The following RIMS2 variants were observed in gnomAD, a reference collection of about 807,000 sequenced individuals.
The protein encoded by RIMS2 is regulating synaptic membrane exocytosis protein 2.
A neutral mutation model predicts 174.4 loss-of-function variants in RIMS2; 59 were observed. The ratio of observed to expected loss-of-function variants is 0.34; its 90% CI spans 0.27 to 0.42. The LOEUF (loss-of-function observed/expected upper bound fraction) is 0.42. Among genes scored for constraint, RIMS2 ranks in the 10% least tolerant of loss-of-function variants. The pLI, the probability that RIMS2 is intolerant of heterozygous loss-of-function variation, is 1.00. For synonymous variants in RIMS2, 606 were observed against 572.5 expected, an observed-to-expected ratio of 1.06 and a Z score of -0.84; for missense variants, 1,620 against 1,666.3, an observed-to-expected ratio of 0.97 and a Z score of 0.48.
At chr8:104,117,465 T>G (rs2098296877) in intron 19 of RIMS2, among the ~76,000 whole-genome samples, 1 of 152,034 alleles carries the variant, frequency 6.6e-6, no homozygotes, top group African/African-American at 2.4e-5. Flanking sequence ...CATAGCTCAC[T>G]GCAGCCTCAA....
chr8:103,513,656 T>A (rs914396308), intron 1 of RIMS2, among the ~76,000 whole-genome samples: 15 of 152,154 alleles, frequency 9.9e-5, no homozygotes, highest in African/African-American at 3.6e-4. Context: ...ATTTGGGAAT[T>A]GTGGTTAAGG....
At chr8:103,883,303 A>T (rs1316584445) in intron 3 of RIMS2, among the ~76,000 whole-genome samples, 2 of 151,798 alleles carry the variant, frequency 1.3e-5, no homozygotes, top group East Asian at 1.9e-4. Context: ...CAAAAGTATG[A>T]CTAAGAACTG....
intron 1 of RIMS2, among the ~76,000 whole-genome samples, chr8:103,586,425 G>C: frequency 6.6e-6 from 1 of 152,128 alleles, no homozygotes; most frequent in East Asian, 1.9e-4. Flanking sequence ...AATAAAACTA[G>C]AAATTTATAA....
chr8:104,246,583 A>G (rs1301288372), intron 20 of RIMS2, among the ~76,000 whole-genome samples: 2 of 152,250 alleles, frequency 1.3e-5, no homozygotes, highest in Non-Finnish European at 2.9e-5. Flanking sequence ...TAGATTAGAT[A>G]GCACACATGC....
intron 19 of RIMS2, among the ~76,000 whole-genome samples, chr8:104,147,234 TTC>T (rs144133187): frequency 2.0e-5 from 3 of 151,806 alleles, no homozygotes; most frequent in Non-Finnish European, 4.4e-5. Context: ...CACCTGCGCC[TTC>T]TCTCTCTCTC....
intron 4 of RIMS2, among the ~76,000 whole-genome samples, chr8:103,894,776 T>C (rs2099267790): frequency 6.6e-6 from 1 of 151,654 alleles, no homozygotes; most frequent in Non-Finnish European, 1.5e-5. Flanking sequence ...GAAGTTTGTC[T>C]TCATTGTTGT....
At chr8:103,732,485 A>C (rs1055916775) in intron 2 of RIMS2, among the ~76,000 whole-genome samples, 12 of 152,280 alleles carry the variant, frequency 7.9e-5, no homozygotes, top group African/African-American at 2.4e-4. Flanking sequence ...AGGGCTCTAC[A>C]ATCAGCAGGT....
intron 2 of RIMS2, among the ~76,000 whole-genome samples, chr8:103,758,185 C>T (rs529569499): frequency 6.6e-6 from 1 of 152,190 alleles, no homozygotes; most frequent in South Asian, 2.1e-4. Flanking sequence ...TCTCTTTCTT[C>T]CTTCCTCTTT....
At chr8:103,859,619 G>A (rs1192374450) in intron 3 of RIMS2, among the ~76,000 whole-genome samples, 2 of 151,860 alleles carry the variant, frequency 1.3e-5, no homozygotes, top group African/African-American at 4.8e-5. Flanking sequence ...TCCATTTGTG[G>A]GGTGGAAAGG....
chr8:103,853,324 T>C (rs1442033250), intron 3 of RIMS2, among the ~76,000 whole-genome samples: 1 of 152,074 alleles, frequency 6.6e-6, no homozygotes, highest in Non-Finnish European at 1.5e-5. Context: ...TTTTCTCCCA[T>C]TCTGTATGTA....
intron 14 of RIMS2, among the ~76,000 whole-genome samples, chr8:103,959,703 C>T (rs945917363): frequency 6.6e-6 from 1 of 152,060 alleles, no homozygotes; most frequent in Non-Finnish European, 1.5e-5. Context: ...GGATTACAGG[C>T]GTGAGCCACC....
chr8:103,508,961 A>T (rs1825123790), intron 1 of RIMS2, among the ~76,000 whole-genome samples: 1 of 152,076 alleles, frequency 6.6e-6, no homozygotes, highest in Non-Finnish European at 1.5e-5. Context: ...GTATCTGCTT[A>T]TCTCACTTAT....
intron 2 of RIMS2, among the ~76,000 whole-genome samples, chr8:103,713,336 A>G (rs1190859515): frequency 6.6e-6 from 1 of 152,116 alleles, no homozygotes; most frequent in African/African-American, 2.4e-5. Flanking sequence ...TTGTGTTTCT[A>G]AGTCCTTTGC....
intron 3 of RIMS2, among the ~76,000 whole-genome samples, chr8:103,855,953 G>T (rs2099025320): frequency 6.6e-6 from 1 of 152,092 alleles, no homozygotes; most frequent in African/African-American, 2.4e-5. Context: ...TGTCAGTGGG[G>T]TGTAGAAGTT....
chr8:103,885,490 CAGG>C (rs1172606323), exon 4 of RIMS2: 6 of 1,612,448 alleles, frequency 3.7e-6, no homozygotes, highest in African/African-American at 2.7e-5. Flanking sequence ...GGGACTCCAA[CAGG>C]AGAAGTCATA....
At chr8:103,579,294 C>A (rs1348110597) in intron 1 of RIMS2, among the ~76,000 whole-genome samples, 4 of 142,230 alleles carry the variant, frequency 2.8e-5, no homozygotes, top group African/African-American at 1.1e-4. Context: ...CACACAGACA[C>A]ACACACACAC....
chr8:103,957,848 T>G (rs1192255455), intron 14 of RIMS2, among the ~76,000 whole-genome samples: 3 of 152,042 alleles, frequency 2.0e-5, no homozygotes, highest in Non-Finnish European at 4.4e-5. Context: ...AAAACTACAA[T>G]GAGATACCAT....
chr8:103,876,677 G>A (rs1027668113), intron 3 of RIMS2, among the ~76,000 whole-genome samples: 1 of 150,568 alleles, frequency 6.6e-6, no homozygotes, highest in Non-Finnish European at 1.5e-5. Flanking sequence ...ACACTTATGA[G>A]TGAGAGCATA....
chr8:103,841,502 G>A (rs1386240657), intron 3 of RIMS2, among the ~76,000 whole-genome samples: 2 of 152,036 alleles, frequency 1.3e-5, no homozygotes, highest in Non-Finnish European at 2.9e-5. Flanking sequence ...AAGAATTTCA[G>A]TCTTCACAGC....
Sources: gnomAD v4.1 joint callset for allele counts (sites outside exome capture counted in the v4.1 genomes callset) on GRCh38, gnomAD v4.1.1 for gene constraint, MANE v1.5 for transcripts, NCBI Gene and HGNC (gene_info 2026-07-23, HGNC 2026-07-21) for gene names.